Variants in CAMTA1 observed in about 807,000 individuals in gnomAD.
The protein encoded by CAMTA1 is calmodulin binding transcription activator 1, also known as calmodulin-binding transcription activator 1.
CAMTA1 carries 27 observed loss-of-function variants against 170.9 expected under a neutral mutation model. The observed-to-expected ratio is 0.16, with a 90% CI of 0.12 to 0.22. CAMTA1 has a LOEUF of 0.22. Among genes scored for constraint, CAMTA1 ranks in the 10% least tolerant of loss-of-function variants. CAMTA1 has a pLI of 1.00. For missense variants in CAMTA1, 1,619 were observed against 2,217.2 expected, an observed-to-expected ratio of 0.73 and a Z score of 5.42; for synonymous variants, 833 against 891.5, an observed-to-expected ratio of 0.93 and a Z score of 1.17.
At chr1:7,266,244 C>T (rs78892650) in intron 5 of CAMTA1, among the ~76,000 whole-genome samples, 8,680 of 152,224 alleles carry the variant, frequency 0.057, 846 homozygotes, top group African/African-American at 0.2. Flanking sequence ...GCGGCCAGAC[C>T]TAGGCCTGGC....
intron 11 of CAMTA1, among the ~76,000 whole-genome samples, chr1:7,729,060 C>A (rs972788112): frequency 1.3e-5 from 2 of 151,574 alleles, no homozygotes; most frequent in South Asian, 4.2e-4. Flanking sequence ...GAGGAAGTAT[C>A]TTTCTTGCAT....
At chr1:6,901,162 G>A (rs150685978) in intron 3 of CAMTA1, among the ~76,000 whole-genome samples, 53 of 152,338 alleles carry the variant, frequency 3.5e-4, no homozygotes, top group African/African-American at 1.3e-3. Flanking sequence ...CTTTTCAACA[G>A]ATTGTAATGG....
chr1:7,542,169 T>C (rs1028459608), intron 6 of CAMTA1, among the ~76,000 whole-genome samples: 4 of 152,168 alleles, frequency 2.6e-5, no homozygotes, highest in Non-Finnish European at 4.4e-5. Flanking sequence ...TTATAAGACA[T>C]GGGAAAGTAC....
At chr1:6,921,435 C>A (rs974606441) in intron 3 of CAMTA1, among the ~76,000 whole-genome samples, 1 of 152,210 alleles carries the variant, frequency 6.6e-6, no homozygotes, top group East Asian at 1.9e-4. Flanking sequence ...CAAACTTTTG[C>A]ACGTTTTCCT....
At chr1:7,477,219 C>T (rs2093434958) in intron 6 of CAMTA1, among the ~76,000 whole-genome samples, 1 of 152,116 alleles carries the variant, frequency 6.6e-6, no homozygotes, top group Admixed American at 6.5e-5. Flanking sequence ...GCCTCGAAAG[C>T]TTCATCTGGA....
intron 5 of CAMTA1, among the ~76,000 whole-genome samples, chr1:7,343,361 C>T (rs967456331): frequency 2.0e-5 from 3 of 152,120 alleles, no homozygotes; most frequent in Non-Finnish European, 4.4e-5. Context: ...TCATTCAATT[C>T]GGGAGATCCC....
chr1:6,851,478 C>T (rs938903323), intron 3 of CAMTA1, among the ~76,000 whole-genome samples: 1 of 152,142 alleles, frequency 6.6e-6, no homozygotes, highest in Non-Finnish European at 1.5e-5. Context: ...GCTGCAGAAG[C>T]AGTATTTGGA....
At chr1:7,185,915 C>T (rs748915849) in intron 4 of CAMTA1, among the ~76,000 whole-genome samples, 4 of 152,200 alleles carry the variant, frequency 2.6e-5, no homozygotes, top group Non-Finnish European at 5.9e-5. Flanking sequence ...AATGCTGGAT[C>T]GGATCCCGGA....
At chr1:7,049,462 G>GT (rs950084820) in intron 3 of CAMTA1, among the ~76,000 whole-genome samples, 3 of 152,106 alleles carry the variant, frequency 2.0e-5, no homozygotes, top group South Asian at 2.1e-4. Context: ...TTGTTTGTTT[G>GT]TTTTTTTGTT....
intron 5 of CAMTA1, among the ~76,000 whole-genome samples, chr1:7,461,863 A>T (rs571638672): frequency 6.6e-6 from 1 of 152,368 alleles, no homozygotes; most frequent in African/African-American, 2.4e-5. Context: ...AACGAAGTAC[A>T]ATTGGAAAGA....
At chr1:7,004,619 A>G (rs1025886848) in intron 3 of CAMTA1, among the ~76,000 whole-genome samples, 4 of 152,182 alleles carry the variant, frequency 2.6e-5, no homozygotes, top group African/African-American at 9.7e-5. Flanking sequence ...AAAGTATGAA[A>G]ACCACTTAAT....
At chr1:7,342,206 G>A (rs920482494) in intron 5 of CAMTA1, among the ~76,000 whole-genome samples, 1 of 152,222 alleles carries the variant, frequency 6.6e-6, no homozygotes, top group African/African-American at 2.4e-5. Flanking sequence ...AGGGCAGGGT[G>A]CTGCACCCAC....
rs907588035 is a variant in CAMTA1, at chr1:7,435,117, T to C, written c.439-32713T>C. On this transcript the variant is annotated intron_variant, in intron 5 of 22. Transcript: ENST00000303635. The surrounding 1 kb of genome is among the most constrained non-coding windows in gnomAD (Gnocchi z 4.4). ...GCTGAATGCTGCCTGAAGCCTTTTT[T>C]ATAAGGGCCTGAATCCCATTTTGGC... is the stretch of plus-strand genomic sequence containing the variant. 2.0e-5 allele frequency among the ~76,000 whole-genome samples: 3 copies of C among 152,178 alleles called. No individual in the cohort carries two copies. The highest frequency in any genetic ancestry group is 4.4e-5 in the Non-Finnish European group (3 of 68,030).
At chr1:6,858,516 C>A (rs1663372803) in intron 3 of CAMTA1, among the ~76,000 whole-genome samples, 1 of 147,762 alleles carries the variant, frequency 6.8e-6, no homozygotes. Flanking sequence ...TGTTTTATGC[C>A]CATTACAGAA....
intron 1 of CAMTA1, among the ~76,000 whole-genome samples, chr1:6,809,530 G>A (rs1644928969): frequency 6.6e-6 from 1 of 152,108 alleles, no homozygotes. Context: ...GGAGAGAAGG[G>A]CTGTGAGGAG....
chr1:6,829,991 C>T (rs1233311976), intron 3 of CAMTA1, among the ~76,000 whole-genome samples: 1 of 151,862 alleles, frequency 6.6e-6, no homozygotes, highest in Non-Finnish European at 1.5e-5. Flanking sequence ...AAAAAGTTTT[C>T]TCCTACGTGT....
intron 3 of CAMTA1, among the ~76,000 whole-genome samples, chr1:6,835,721 T>C (rs1192969633): frequency 6.6e-6 from 1 of 152,232 alleles, no homozygotes; most frequent in Non-Finnish European, 1.5e-5. Flanking sequence ...CATGCATGTT[T>C]TGGTGTGCTT....
intron 6 of CAMTA1, among the ~76,000 whole-genome samples, chr1:7,519,767 G>A (rs946119669): frequency 1.3e-5 from 2 of 151,602 alleles, no homozygotes; most frequent in African/African-American, 4.9e-5. Context: ...CTCCCTGACA[G>A]GTGCCACCAT....
At chr1:7,622,287 G>T (rs936805427) in intron 6 of CAMTA1, among the ~76,000 whole-genome samples, 9 of 152,212 alleles carry the variant, frequency 5.9e-5, no homozygotes, top group African/African-American at 2.2e-4. Flanking sequence ...GCCAAGAGGG[G>T]TTAAGTAACT....
Sources: gnomAD v4.1 joint callset for allele counts (sites outside exome capture counted in the v4.1 genomes callset) on GRCh38, gnomAD v4.1.1 for gene constraint, Gnocchi (gnomAD v3.1) non-coding constraint, MANE v1.5 for transcripts, NCBI Gene and HGNC (gene_info 2026-07-23, HGNC 2026-07-21) for gene names.